GTF2E1: variants seen among roughly 807,000 people sequenced by gnomAD.
GTF2E1 encodes TFIIE alpha subunit.
A neutral mutation model predicts 34.9 loss-of-function variants in GTF2E1; 14 were observed. The observed-to-expected ratio is 0.40, with a 90% CI of 0.27 to 0.63. The LOEUF (loss-of-function observed/expected upper bound fraction) is 0.63, where lower values mean the gene tolerates loss of function less well. Ranked by LOEUF, GTF2E1 falls within the 20% of genes least tolerant of loss-of-function variation. The pLI is 0.39. For synonymous variants in GTF2E1, 188 were observed against 192.9 expected, an observed-to-expected ratio of 0.97 and a Z score of 0.21; for missense variants, 469 against 557.7, an observed-to-expected ratio of 0.84 and a Z score of 1.60.
chr3:120,775,371 A>G (rs1709390608), intron 3 of GTF2E1, among the ~76,000 whole-genome samples: 1 of 152,206 alleles, frequency 6.6e-6, no homozygotes, highest in African/African-American at 2.4e-5. Flanking sequence ...GAAACACCCA[A>G]AAGGTTTGGA....
At chr3:120,781,003 T>G in intron 4 of GTF2E1, 40 bp from the exon 5 acceptor site, 1 of 1,352,536 alleles carries the variant, frequency 7.4e-7, no homozygotes, top group Non-Finnish European at 1.0e-6. Context: ...AAATGCCATT[T>G]ATATTTAAGG....
At chr3:120,767,503 A>G (rs1002380346) in intron 2 of GTF2E1, among the ~76,000 whole-genome samples, 3 of 152,098 alleles carry the variant, frequency 2.0e-5, no homozygotes, top group African/African-American at 7.2e-5. Context: ...AACACAACCC[A>G]TTGCATGTGT....
At chr3:120,747,110 T>C (rs933387469) in intron 1 of GTF2E1, among the ~76,000 whole-genome samples, 4 of 152,114 alleles carry the variant, frequency 2.6e-5, no homozygotes, top group African/African-American at 9.6e-5. Context: ...TTTTTTGTTT[T>C]GTTTTTTTTT....
At chr3:120,772,967 A>C (rs1000553661) in intron 3 of GTF2E1, among the ~76,000 whole-genome samples, 1 of 152,130 alleles carries the variant, frequency 6.6e-6, no homozygotes, top group East Asian at 1.9e-4. Context: ...ATCAGGAATG[A>C]TGGTGACTCC....
intron 2 of GTF2E1, among the ~76,000 whole-genome samples, chr3:120,762,492 G>T (rs1323188860): frequency 6.6e-6 from 1 of 152,046 alleles, no homozygotes; most frequent in Admixed American, 6.6e-5. Flanking sequence ...CTCTTTTGAT[G>T]CAAAGTGATT....
chr3:120,776,661 G>A lies in GTF2E1; in HGVS notation c.889G>A (p.Glu297Lys). The change falls in exon 4 of 5, where the codon GAA becomes AAA. Residue 297 changes from glutamate to lysine, a missense_variant. Physicochemically the swap from Glu to Lys is moderately conservative, Grantham distance 56. Coordinates refer to ENST00000283875, the MANE Select transcript of GTF2E1 (RefSeq NM_005513.3). ...GGCATATGGTTCTGAAGATATGAAA[G>A]AAGGTAAGAGTAGAAGTCAGTAAAA... ...QGAYGSEDMK[E>K]GGIDMDAFQE... 6.2e-7 allele frequency: 1 copy of A among 1,612,296 alleles called. No individual in the cohort carries two copies. Among genetic ancestry groups the A allele is most frequent in the Non-Finnish European group, 8.5e-7 (1 of 1,179,494 alleles).
At chr3:120,751,871 A>G (rs1709167278) in intron 2 of GTF2E1, among the ~76,000 whole-genome samples, 1 of 152,154 alleles carries the variant, frequency 6.6e-6, no homozygotes, top group South Asian at 2.1e-4. Flanking sequence ...GCTACTTTTT[A>G]GTTCATAGAT....
intron 4 of GTF2E1, among the ~76,000 whole-genome samples, chr3:120,778,802 G>A (rs1191100467): frequency 6.6e-6 from 1 of 152,156 alleles, no homozygotes; most frequent in Non-Finnish European, 1.5e-5. Flanking sequence ...AGGTTCTTCT[G>A]TGCCTTGAAT....
At chr3:120,751,791 A>ATCT (rs1709166695) in intron 2 of GTF2E1, among the ~76,000 whole-genome samples, 1 of 152,132 alleles carries the variant, frequency 6.6e-6, no homozygotes, top group African/African-American at 2.4e-5. Context: ...ACAGGTAAAA[A>ATCT]TCTATAGAAG....
intron 1 of GTF2E1, among the ~76,000 whole-genome samples, chr3:120,745,407 G>A (rs146470447): frequency 6.6e-6 from 1 of 152,176 alleles, no homozygotes; most frequent in East Asian, 1.9e-4. Context: ...GTGGCACAGG[G>A]ACCTCTCCAT....
intron 2 of GTF2E1, among the ~76,000 whole-genome samples, chr3:120,769,242 A>G (rs1293902734): frequency 6.6e-6 from 1 of 151,870 alleles, no homozygotes; most frequent in Non-Finnish European, 1.5e-5. Flanking sequence ...CTTTGGTATA[A>G]TAGTATTCTT....
intron 1 of GTF2E1, chr3:120,749,769 T>C (rs1335335750): frequency 6.6e-6 from 1 of 152,180 alleles, no homozygotes. Context: ...GTAAACTATA[T>C]GCCAATGTGG....
In GTF2E1 at chr3:120,770,857, A is replaced by C. The variant is rs1421095190; in HGVS notation, c.578A>C (p.Glu193Ala). 2 of 1,613,672 alleles carry C rather than the reference A, an allele frequency of 1.2e-6. No homozygotes were observed. The highest frequency in any genetic ancestry group is 2.7e-5 in the African/African-American group (2 of 74,986). Residue 193 changes from glutamate to alanine, a missense_variant, in exon 3 of 5, where the codon GAG becomes GCG. By Grantham distance (107) the Glu-to-Ala change is moderately radical. Transcript: ENST00000283875. ...QIEPIYALLR[E>A]TEDVNLAYEI... ...GAGCCCATTTATGCATTGCTTCGGG[A>C]GACAGAGGATGTGAACTTGGCCTAT...
chr3:120,748,880 T>C (rs1361090653), intron 1 of GTF2E1, among the ~76,000 whole-genome samples: 1 of 152,246 alleles, frequency 6.6e-6, no homozygotes, highest in Non-Finnish European at 1.5e-5. Flanking sequence ...TTCCTACCCA[T>C]GAGCATGGAA....
At position 120,764,252 on chromosome 3, in the gene GTF2E1, C is replaced by A. The variant is rs143793105; in HGVS notation, c.449-6476C>A. Among the ~76,000 whole-genome samples, 1,163 of 152,120 alleles carry A rather than the reference C, an allele frequency of 7.6e-3. 15 individuals are homozygous for A. Among genetic ancestry groups the A allele is most frequent in the African/African-American group, 0.027 (1,103 of 41,488 alleles). On this transcript the variant is annotated intron_variant, in intron 2 of 4. Transcript: ENST00000283875. ...TGTGATTTTTTTGTGTCTTGACTACCCCCAACTAGAATGTGAGGGCCATGA... is the reference window on the plus strand; with the variant it reads ...TGTGATTTTTTTGTGTCTTGACTACACCCAACTAGAATGTGAGGGCCATGA...
intron 1 of GTF2E1, among the ~76,000 whole-genome samples, chr3:120,749,209 T>C (rs1709140531): frequency 6.6e-6 from 1 of 151,972 alleles, no homozygotes; most frequent in Admixed American, 6.6e-5. Flanking sequence ...ACAGAGACAA[T>C]TTGACTTCCT....
At chr3:120,774,841 G>A (rs1325996549) in intron 3 of GTF2E1, among the ~76,000 whole-genome samples, 1 of 152,166 alleles carries the variant, frequency 6.6e-6, no homozygotes, top group Non-Finnish European at 1.5e-5. Flanking sequence ...TGGGCACAGA[G>A]GTGGAATAAT....
At chr3:120,780,339 G>A (rs1455021640) in intron 4 of GTF2E1, among the ~76,000 whole-genome samples, 1 of 152,188 alleles carries the variant, frequency 6.6e-6, no homozygotes, top group Non-Finnish European at 1.5e-5. Flanking sequence ...GTAGGGATAG[G>A]ATACATTTAA....
At chr3:120,753,629 GT>G (rs1372845493) in intron 2 of GTF2E1, among the ~76,000 whole-genome samples, 1 of 152,134 alleles carries the variant, frequency 6.6e-6, no homozygotes, top group Non-Finnish European at 1.5e-5. Context: ...AGGACAAAGG[GT>G]AGTAACTCCT....
Sources: allele counts gnomAD v4.1 joint callset (sites outside exome capture counted in the v4.1 genomes callset), GRCh38; gene constraint gnomAD v4.1.1; transcripts MANE v1.5; gene names NCBI Gene and HGNC (gene_info 2026-07-23, HGNC 2026-07-21).